Variants in ASB13 observed in about 807,000 individuals in gnomAD.
The protein encoded by ASB13 is ankyrin repeat and SOCS box protein 13.
ASB13 carries 33 observed loss-of-function variants against 28.8 expected under a neutral mutation model. The observed-to-expected ratio is 1.15, with a 90% CI of 0.87 to 1.53. The LOEUF (loss-of-function observed/expected upper bound fraction) is 1.53. ASB13 is among the 40% of genes most tolerant of loss of function. The pLI is 0.00. For missense variants in ASB13, 414 were observed against 390.1 expected (o/e 1.06, Z -0.52); for synonymous variants, 182 against 172.9 (o/e 1.05, Z -0.41).
rs1834808191 is a variant in ASB13, at chr10:5,641,614, C to G, written c.709+156G>C. Among the ~76,000 whole-genome samples, 1 of 152,138 alleles carries G rather than the reference C, an allele frequency of 6.6e-6. No homozygotes were observed. The highest frequency in any genetic ancestry group is 1.5e-5 in the Non-Finnish European group (1 of 68,022). ...GGGAGAGCTGGGGCAACAGCACAAA[C>G]AGCCCCCGCAAAGTGCTTAAGGGTC... is the stretch of plus-strand genomic sequence containing the variant. On this transcript the variant is annotated intron_variant, in intron 5 of 5. Transcript: ENST00000357700. This position sits in a 1 kb window ranked among gnomAD's most constrained non-coding sequence, Gnocchi z 8.4.
Position 5,656,859 on chromosome 10 carries a change from T to G in ASB13, c.44-3809A>C, listed in dbSNP as rs972414842. The stretch of plus-strand genomic sequence containing the variant: ...ACCTCTTGATCCCAACAGCCTCTTT[T>G]TCCCACTGCCCTTAACATAATTAAG... On this transcript the variant is annotated intron_variant, in intron 1 of 5. Coordinates refer to ENST00000357700, the MANE Select transcript of ASB13 (RefSeq NM_024701.4). The surrounding 1 kb of genome is among the most constrained non-coding windows in gnomAD (Gnocchi z 4.3). 3.3e-5 allele frequency among the ~76,000 whole-genome samples: 5 copies of G among 152,164 alleles called. No individual in the cohort carries two copies. Among genetic ancestry groups the G allele is most frequent in the African/African-American group, 1.2e-4 (5 of 41,440 alleles).
Position 5,663,797 on chromosome 10 carries a change from T to C in ASB13, c.43+2712A>G, listed in dbSNP as rs1195508878. Reference sequence around the variant, plus strand: ...TCAACAGGCCCTCTTTGAATTCCTATTTTAGGATAAAATAGCCGCCCACTC... The same window carrying C: ...TCAACAGGCCCTCTTTGAATTCCTACTTTAGGATAAAATAGCCGCCCACTC... On this transcript the variant is annotated intron_variant, in intron 1 of 5. Transcript: ENST00000357700. The surrounding 1 kb of genome is among the most constrained non-coding windows in gnomAD (Gnocchi z 4.9). Among the ~76,000 whole-genome samples, 1 of 152,150 alleles carries C rather than the reference T, an allele frequency of 6.6e-6. No individual in the cohort carries two copies. Among genetic ancestry groups the C allele is most frequent in the Non-Finnish European group, 1.5e-5 (1 of 68,036 alleles).
rs1835099682 is a variant in ASB13 at position 5,658,057 on chromosome 10, C to T, written c.44-5007G>A. 6.6e-6 allele frequency among the ~76,000 whole-genome samples: 1 copy of T among 152,144 alleles called. No homozygotes were observed. The highest frequency in any genetic ancestry group is 2.4e-5 in the African/African-American group (1 of 41,412). On this transcript the variant is annotated intron_variant, in intron 1 of 5. Coordinates refer to ENST00000357700, the MANE Select transcript of ASB13 (RefSeq NM_024701.4). The surrounding 1 kb of genome is among the most constrained non-coding windows in gnomAD (Gnocchi z 4.2). The stretch of plus-strand genomic sequence containing the variant: ...TTCAGTAGTGCCAGCTACTCAGAGG[C>T]TGAGGCACGAGAATCGCATGAACCC...
chr10:5,651,525 T>C lies in ASB13; in HGVS notation c.232-162A>G. Reference sequence around the variant, plus strand: ...GACACTGAAAGAGATAGCACGTGGCTGCGGAGCACCGACGGCCTCCTGAGT... The same window carrying C: ...GACACTGAAAGAGATAGCACGTGGCCGCGGAGCACCGACGGCCTCCTGAGT... On this transcript the variant is annotated intron_variant, in intron 2 of 5. Coordinates refer to ENST00000357700, the MANE Select transcript of ASB13 (RefSeq NM_024701.4). The surrounding 1 kb of genome is among the most constrained non-coding windows in gnomAD (Gnocchi z 5.1). The C allele has an allele frequency of 8.0e-6, 6 of 747,996 alleles. No individual in the cohort carries two copies. Among genetic ancestry groups the C allele is most frequent in the Non-Finnish European group, 1.3e-5 (6 of 477,844 alleles). The allele number at this position is 747,996 out of a possible 1,614,324, so 46.3% of individuals were successfully genotyped here.
Position 5,640,900 on chromosome 10 carries a change from A to C in ASB13, c.710-70T>G, listed in dbSNP as rs1300636892. 17 of 1,576,412 alleles carry C rather than the reference A, an allele frequency of 1.1e-5. No individual in the cohort carries two copies. The East Asian group carries it at 3.8e-4, about 35-fold the overall frequency. On this transcript the variant is annotated intron_variant, in intron 5 of 5. Transcript: ENST00000357700. The stretch of plus-strand genomic sequence containing the variant: ...AAGCACAACACCTGCAATGGAACAC[A>C]AACTCAGAGGGAATCGGAAACGCCT...
At chr10:5,662,664 C>T (rs982742533) in intron 1 of ASB13, among the ~76,000 whole-genome samples, 9 of 148,334 alleles carry the variant, frequency 6.1e-5, no homozygotes, top group African/African-American at 2.2e-4. Flanking sequence ...ATTAACACTC[C>T]CAGAAAAAGC....
rs529746848 is a variant in ASB13, at chr10:5,650,837, G to A, written c.382+376C>T. On this transcript the variant is annotated intron_variant, in intron 3 of 5. Transcript: ENST00000357700. The surrounding 1 kb of genome is among the most constrained non-coding windows in gnomAD (Gnocchi z 6.0). ...CACCACGCACAGCCTCCTGGCCCAG[G>A]CTGTTGGGACACGTTTCTCTGTCGT... 3.3e-5 allele frequency among the ~76,000 whole-genome samples: 5 copies of A among 152,310 alleles called. No homozygotes were observed. The East Asian group carries it at 7.7e-4, about 24-fold the overall frequency.
intron 4 of ASB13, among the ~76,000 whole-genome samples, 178 bp downstream of exon 4, chr10:5,648,792 G>GGGCAAACACCCACTCA (rs1436121080): frequency 4.3e-5 from 6 of 138,032 alleles, no homozygotes; most frequent in African/African-American, 1.7e-4. Flanking sequence ...ACACCCACGC[G>GGGCAAACACCCACTCA]GGCAAACACC....
rs540937256 is a variant in ASB13 at position 5,659,143 on chromosome 10, C to T, written c.44-6093G>A. Among the ~76,000 whole-genome samples, 5 of 152,304 alleles carry T rather than the reference C, an allele frequency of 3.3e-5. No individual in the cohort carries two copies. In the South Asian group the frequency reaches 1.0e-3, roughly 32 times the overall value. On this transcript the variant is annotated intron_variant, in intron 1 of 5. Transcript: ENST00000357700. This position sits in a 1 kb window ranked among gnomAD's most constrained non-coding sequence, Gnocchi z 5.8. The stretch of plus-strand genomic sequence containing the variant: ...AGGATGGATTGCAGGCTGCTTCCAG[C>T]CCCTGTGCCAGGCTCCCTGTGGTGG...
At position 5,645,557 on chromosome 10, in the gene ASB13, G is replaced by T. The variant is rs956344459; in HGVS notation, c.517+3413C>A. Among the ~76,000 whole-genome samples the T allele has an allele frequency of 6.6e-6, 1 of 152,182 alleles. No individual in the cohort carries two copies. Among genetic ancestry groups the T allele is most frequent in the Non-Finnish European group, 1.5e-5 (1 of 68,032 alleles). ...GAACAACGGTCTCCACGTCCCCCGT[G>T]GGGTGCAACGTGGCTCTGCCTCACA... On this transcript the variant is annotated intron_variant, in intron 4 of 5. Transcript: ENST00000357700. The surrounding 1 kb of genome is among the most constrained non-coding windows in gnomAD (Gnocchi z 5.4).
rs1040279401 is a variant in ASB13, at chr10:5,645,102, A to C, written c.518-3141T>G. 1.3e-5 allele frequency among the ~76,000 whole-genome samples: 2 copies of C among 152,278 alleles called. No homozygotes were observed. On this transcript the variant is annotated intron_variant, in intron 4 of 5. Coordinates refer to ENST00000357700, the MANE Select transcript of ASB13 (RefSeq NM_024701.4). This position sits in a 1 kb window ranked among gnomAD's most constrained non-coding sequence, Gnocchi z 5.4. ...CAAAATCCTGCTTTCAACACAAAAT[A>C]GGATTAAAGTGGATTCAGAGAACCC... is the stretch of plus-strand genomic sequence containing the variant.
rs1212137926 is a variant in ASB13, at chr10:5,654,872, G to A, written c.44-1822C>T. ...ACCACTTTGAGAGGCTGAGGCGGGC[G>A]GATCACTTGAGGTCAGGAGTTCGAA... On this transcript the variant is annotated intron_variant, in intron 1 of 5. Coordinates refer to ENST00000357700, the MANE Select transcript of ASB13 (RefSeq NM_024701.4). Among the ~76,000 whole-genome samples, 15 of 152,094 alleles carry A rather than the reference G, an allele frequency of 9.9e-5. No homozygotes were observed. In the East Asian group the frequency reaches 1.9e-3, roughly 20 times the overall value.
rs1312960726 is a variant in ASB13, at chr10:5,655,392, A to G, written c.44-2342T>C. ...AATAGTTTCTCTTCATAGGTGGACT[A>G]TGAACATTCAGTGAATTGAAATAGG... is the stretch of plus-strand genomic sequence containing the variant. On this transcript the variant is annotated intron_variant, in intron 1 of 5. Transcript: ENST00000357700. This position sits in a 1 kb window ranked among gnomAD's most constrained non-coding sequence, Gnocchi z 6.2. Among the ~76,000 whole-genome samples the G allele has an allele frequency of 6.6e-6, 1 of 152,250 alleles. No individual in the cohort carries two copies. Among genetic ancestry groups the G allele is most frequent in the African/African-American group, 2.4e-5 (1 of 41,466 alleles).
Position 5,658,828 on chromosome 10 carries a change from G to A in ASB13, c.44-5778C>T, listed in dbSNP as rs933046360. ...CTGTCCTCATAGGAGATTTACAGTGGGGAAGGGAGGGATAGAAGGCTAGAG... is the reference window on the plus strand; with the variant it reads ...CTGTCCTCATAGGAGATTTACAGTGAGGAAGGGAGGGATAGAAGGCTAGAG... On this transcript the variant is annotated intron_variant, in intron 1 of 5. Coordinates refer to ENST00000357700, the MANE Select transcript of ASB13 (RefSeq NM_024701.4). The surrounding 1 kb of genome is among the most constrained non-coding windows in gnomAD (Gnocchi z 4.2). Among the ~76,000 whole-genome samples the A allele has an allele frequency of 1.3e-5, 2 of 152,184 alleles. No homozygotes were observed. Among genetic ancestry groups the A allele is most frequent in the Non-Finnish European group, 2.9e-5 (2 of 68,036 alleles).
At position 5,640,584 on chromosome 10, in the gene ASB13, C is replaced by T; in HGVS notation, c.*119G>A. 1 of 1,311,436 alleles carries T rather than the reference C, an allele frequency of 7.6e-7. No individual in the cohort carries two copies. Among genetic ancestry groups the T allele is most frequent in the South Asian group, 1.4e-5 (1 of 73,800 alleles). 81.2% of individuals were successfully genotyped at this position (1,311,436 alleles called of 1,614,324 possible). Reference sequence around the variant, plus strand: ...GCCTAAACAGGATCGCAGGAAGGGACTCGAAGGAGCGTTGTTCTATCTACA... The same window carrying T: ...GCCTAAACAGGATCGCAGGAAGGGATTCGAAGGAGCGTTGTTCTATCTACA... On this transcript the variant is annotated 3_prime_UTR_variant, in exon 6 of 6. Transcript: ENST00000357700.
rs1047060403 is a variant in ASB13 at position 5,656,579 on chromosome 10, G to C, written c.44-3529C>G. Among the ~76,000 whole-genome samples the C allele has an allele frequency of 6.6e-6, 1 of 151,024 alleles. No homozygotes were observed. Among genetic ancestry groups the C allele is most frequent in the Non-Finnish European group, 1.5e-5 (1 of 67,836 alleles). Reference sequence around the variant, plus strand: ...AGTCTGTAGCAGTGAAACAGCAAAAGAACTAACATTTTTGTTTGAGGGGCC... The same window carrying C: ...AGTCTGTAGCAGTGAAACAGCAAAACAACTAACATTTTTGTTTGAGGGGCC... On this transcript the variant is annotated intron_variant, in intron 1 of 5. Transcript: ENST00000357700. This position sits in a 1 kb window ranked among gnomAD's most constrained non-coding sequence, Gnocchi z 4.3.
chr10:5,652,911 C>A lies in ASB13; in HGVS notation c.183G>T (p.Leu61=). 3.8e-6 allele frequency: 6 copies of A among 1,584,480 alleles called. No homozygotes were observed. Among genetic ancestry groups the A allele is most frequent in the African/African-American group, 1.3e-5 (1 of 74,706 alleles). The change falls in exon 2 of 6, where the codon CTG becomes CTT. Residue 61 remains leucine (L), a synonymous_variant. Transcript: ENST00000357700. This position sits in a 1 kb window ranked among gnomAD's most constrained non-coding sequence, Gnocchi z 5.0. ...DSITPLHAAS[L]QGQARCVQLL... is the part of the protein sequence containing the mutation. ...GCTGCACACACCGCGCCTGGCCCTG[C>A]AGACTGGCTGCGTGCAGGGGCGTGA...
intron 1 of ASB13, among the ~76,000 whole-genome samples, chr10:5,665,385 G>C (rs934332243): frequency 1.1e-4 from 17 of 152,210 alleles, no homozygotes; most frequent in Non-Finnish European, 2.2e-4. Context: ...AAAAATACCA[G>C]TGAACCTCAA....
intron 4 of ASB13, among the ~76,000 whole-genome samples, chr10:5,647,667 C>CTAGG (rs936802307): frequency 2.0e-5 from 3 of 152,174 alleles, no homozygotes; most frequent in African/African-American, 7.2e-5. Flanking sequence ...TGAGTACCTA[C>CTAGG]TAGGACACAC....
Sources: gnomAD v4.1 joint callset for allele counts (sites outside exome capture counted in the v4.1 genomes callset) on GRCh38, gnomAD v4.1.1 for gene constraint, Gnocchi (gnomAD v3.1) non-coding constraint, MANE v1.5 for transcripts, NCBI Gene and HGNC (gene_info 2026-07-23, HGNC 2026-07-21) for gene names.